GUCY2F: variants seen among roughly 807,000 people sequenced by gnomAD.
The protein encoded by GUCY2F is retinal guanylyl cyclase 2.
A neutral mutation model predicts 73.1 loss-of-function variants in GUCY2F; 61 were observed. The observed-to-expected ratio is 0.83, with a 90% CI of 0.68 to 1.03. The LOEUF (loss-of-function observed/expected upper bound fraction) is 1.03, where lower values mean the gene tolerates loss of function less well. Ranked by LOEUF, GUCY2F falls within the 50% of genes least tolerant of loss-of-function variation. The probability of loss-of-function intolerance (pLI) is 0.00; values close to 1 mark genes in which losing one functional copy is unlikely to be tolerated. For missense variants in GUCY2F, 912 were observed against 854.3 expected (o/e 1.07, Z -0.84); for synonymous variants, 331 against 307.8 (o/e 1.08, Z -0.79).
chrX:109,467,314 T>C (rs187957747), intron 2 of GUCY2F, among the ~76,000 whole-genome samples: 9 of 111,799 alleles, frequency 8.1e-5, no homozygotes, highest in African/African-American at 1.6e-4. Context: ...GCGGGGAAAA[T>C]GAGTTTAGTC....
chrX:109,470,323 C>T (rs1932549243), intron 2 of GUCY2F, among the ~76,000 whole-genome samples: 1 of 111,734 alleles, frequency 8.9e-6, no homozygotes, highest in African/African-American at 3.3e-5. Context: ...AGCCAGTTGT[C>T]CTCTTGCCAT....
intron 3 of GUCY2F, among the ~76,000 whole-genome samples, chrX:109,464,792 T>A (rs1932431175): frequency 8.9e-6 from 1 of 112,747 alleles, no homozygotes; most frequent in Non-Finnish European, 1.9e-5. Flanking sequence ...TCTTTTGCCT[T>A]ATTGTTAAAT....
chrX:109,451,037 C>T (rs906089508), intron 5 of GUCY2F, among the ~76,000 whole-genome samples: 1 of 112,109 alleles, frequency 8.9e-6, no homozygotes, highest in African/African-American at 3.2e-5. Context: ...CCCTACCAAT[C>T]CATGACATAT....
At chrX:109,414,747 G>T (rs1167515622) in intron 8 of GUCY2F, among the ~76,000 whole-genome samples, 1 of 111,953 alleles carries the variant, frequency 8.9e-6, no homozygotes, top group Non-Finnish European at 1.9e-5. Context: ...ATTGATCTGG[G>T]AGTTAAAAGA....
At chrX:109,424,705 G>A (rs1351643640) in intron 8 of GUCY2F, among the ~76,000 whole-genome samples, 1 of 110,784 alleles carries the variant, frequency 9.0e-6, no homozygotes, top group Non-Finnish European at 1.9e-5. Flanking sequence ...AATTTCCTGT[G>A]AACCCAAAAT....
chrX:109,417,756 A>G (rs1297311092), intron 8 of GUCY2F, among the ~76,000 whole-genome samples: 2 of 111,412 alleles, frequency 1.8e-5, no homozygotes, highest in African/African-American at 3.2e-5. Context: ...TAAGATGAAC[A>G]TTAATCCAAA....
chrX:109,391,890 T>G, intron 14 of GUCY2F, 21 bp downstream of exon 14: 2 of 1,071,506 alleles, frequency 1.9e-6, no homozygotes, highest in Non-Finnish European at 2.5e-6. Flanking sequence ...ATGGAATATA[T>G]TTTCCTGCTA....
chrX:109,456,361 C>T (rs780955105), intron 3 of GUCY2F, among the ~76,000 whole-genome samples: 13 of 112,089 alleles, frequency 1.2e-4, no homozygotes, highest in Admixed American at 2.8e-4. Flanking sequence ...AACACACACA[C>T]ACACACAGGG....
intron 3 of GUCY2F, among the ~76,000 whole-genome samples, chrX:109,460,238 A>T (rs938499250): frequency 8.9e-6 from 1 of 111,871 alleles, no homozygotes; most frequent in Non-Finnish European, 1.9e-5. Context: ...ATAGAAGAAA[A>T]TTTCTCAGAA....
intron 11 of GUCY2F, among the ~76,000 whole-genome samples, chrX:109,396,196 A>G (rs1467968903): frequency 9.0e-6 from 1 of 111,085 alleles, no homozygotes; most frequent in African/African-American, 3.3e-5. Context: ...GAACCCAGAC[A>G]ATCTCAACCT....
chrX:109,385,511 C>T (rs1930415926), intron 15 of GUCY2F, among the ~76,000 whole-genome samples: 1 of 112,185 alleles, frequency 8.9e-6, no homozygotes, highest in Non-Finnish European at 1.9e-5. Context: ...TACCTTTGTT[C>T]CACGTAACAG....
chrX:109,448,460 T>C (rs1932072200), intron 5 of GUCY2F, among the ~76,000 whole-genome samples: 2 of 112,134 alleles, frequency 1.8e-5, no homozygotes, highest in African/African-American at 6.5e-5. Context: ...AATAAAATGG[T>C]GATCCCACAT....
intron 11 of GUCY2F, among the ~76,000 whole-genome samples, chrX:109,397,299 G>A (rs184953224): frequency 9.0e-6 from 1 of 111,471 alleles, no homozygotes; most frequent in African/African-American, 3.3e-5. Context: ...ATTGTAAAGG[G>A]CCTTGTATGT....
Position 109,475,941 on chromosome X carries a change from C to T in GUCY2F, c.-5G>A. ...GCGCCCGAGTCCCAGGAACATAGCC[C>T]TCCTGCTTCCAGCAAGCTAATGACG... On this transcript the variant is annotated 5_prime_UTR_variant, in exon 2 of 20. Transcript: ENST00000218006. 1 of 1,189,223 alleles carries T rather than the reference C, an allele frequency of 8.4e-7. No individual in the cohort carries two copies. The highest frequency in any genetic ancestry group is 1.8e-5 in the African/African-American group (1 of 56,926).
chrX:109,415,947 A>T (rs1931228213), intron 8 of GUCY2F, among the ~76,000 whole-genome samples: 1 of 112,126 alleles, frequency 8.9e-6, no homozygotes, highest in South Asian at 3.6e-4. Context: ...CCTATAAAAT[A>T]TGAATCAAAT....
At chrX:109,385,706 A>T (rs1008716089) in intron 15 of GUCY2F, among the ~76,000 whole-genome samples, 1 of 112,345 alleles carries the variant, frequency 8.9e-6, no homozygotes, top group Non-Finnish European at 1.9e-5. Flanking sequence ...AACTGTGTCT[A>T]TCAAGAGAAT....
At chrX:109,399,370 A>T (rs984847739) in intron 10 of GUCY2F, among the ~76,000 whole-genome samples, 1 of 112,308 alleles carries the variant, frequency 8.9e-6, no homozygotes, top group African/African-American at 3.2e-5. Context: ...AGAGGGAATG[A>T]TGAGGGCCAC....
At chrX:109,481,070 G>GGAAT (rs1932761884) in intron 1 of GUCY2F, among the ~76,000 whole-genome samples, 1 of 56,286 alleles carries the variant, frequency 1.8e-5, no homozygotes, top group Non-Finnish European at 3.5e-5. Context: ...AAGGAAGGAA[G>GGAAT]GAAGGAAGGA....
Position 109,446,763 on chromosome X carries a change from A to G in GUCY2F, c.1569+1306T>C, listed in dbSNP as rs149346641. ...CCACAAGCAATGGCAACAAAAGCCA[A>G]AATACACAAATGGGATCTAATTAAA... On this transcript the variant is annotated intron_variant, in intron 6 of 19. Coordinates refer to ENST00000218006, the MANE Select transcript of GUCY2F (RefSeq NM_001522.3). Among the ~76,000 whole-genome samples the G allele has an allele frequency of 9.9e-3, 1,114 of 112,194 alleles. 16 individuals are homozygous for G. The highest frequency in any genetic ancestry group is 0.034 in the African/African-American group (1,061 of 30,833).
Sources: allele counts gnomAD v4.1 joint callset (sites outside exome capture counted in the v4.1 genomes callset), GRCh38; gene constraint gnomAD v4.1.1; transcripts MANE v1.5; gene names NCBI Gene and HGNC (gene_info 2026-07-23, HGNC 2026-07-21).